RIC8B: variants seen among roughly 807,000 people sequenced by gnomAD.
RIC8B encodes RIC8 guanine nucleotide exchange factor B.
RIC8B carries 16 observed loss-of-function variants against 57.5 expected under a neutral mutation model. The observed-to-expected ratio is 0.28, with a 90% CI of 0.19 to 0.42. RIC8B has a LOEUF of 0.42. Among genes scored for constraint, RIC8B ranks in the 10% least tolerant of loss-of-function variants. The pLI, the probability that RIC8B is intolerant of heterozygous loss-of-function variation, is 1.00. For missense variants in RIC8B, 481 were observed against 677.0 expected (o/e 0.71, Z 3.21); for synonymous variants, 216 against 250.8 (o/e 0.86, Z 1.31).
chr12:106,809,228 GAA>G (rs1474887985), intron 2 of RIC8B, among the ~76,000 whole-genome samples: 1 of 152,122 alleles, frequency 6.6e-6, no homozygotes, highest in East Asian at 1.9e-4. Flanking sequence ...AACGTTTTAA[GAA>G]TTGTGTGGTG....
intron 6 of RIC8B, among the ~76,000 whole-genome samples, chr12:106,847,343 A>T (rs1949244980): frequency 6.6e-6 from 1 of 152,200 alleles, no homozygotes; most frequent in African/African-American, 2.4e-5. Flanking sequence ...AGCTAACAAA[A>T]TTTTTACATG....
intron 1 of RIC8B, among the ~76,000 whole-genome samples, chr12:106,778,323 G>A (rs1231779247): frequency 2.6e-5 from 4 of 152,132 alleles, no homozygotes; most frequent in Non-Finnish European, 5.9e-5. Context: ...TTCATTCACT[G>A]ACCTTTGTTA....
intron 4 of RIC8B, among the ~76,000 whole-genome samples, chr12:106,826,935 G>A (rs1337915661): frequency 6.6e-6 from 1 of 152,150 alleles, no homozygotes; most frequent in Admixed American, 6.5e-5. Context: ...TTAGCTGGAT[G>A]TGGTGGCGCA....
intron 2 of RIC8B, among the ~76,000 whole-genome samples, chr12:106,809,884 A>G (rs1173318018): frequency 6.6e-6 from 1 of 151,988 alleles, no homozygotes; most frequent in Non-Finnish European, 1.5e-5. Context: ...ATAATAAATT[A>G]TTGGTAACTG....
chr12:106,848,000 C>G (rs768589544), intron 6 of RIC8B, among the ~76,000 whole-genome samples: 1 of 152,096 alleles, frequency 6.6e-6, no homozygotes, highest in Admixed American at 6.5e-5. Flanking sequence ...TAATTATATA[C>G]TACGTCCGGT....
rs1273651161 is a variant in RIC8B at position 106,889,132 on chromosome 12, A to T, written c.*3117A>T. On this transcript the variant is annotated 3_prime_UTR_variant, in exon 10 of 10. Transcript: ENST00000392837. ...AAATAAAATTAATAATTTACCCCAA[A>T]TCCCACCATCCTGAGATCATCACTG... 1 of 151,878 alleles carries T rather than the reference A, an allele frequency of 6.6e-6. No individual in the cohort carries two copies. Among genetic ancestry groups the T allele is most frequent in the Non-Finnish European group, 1.5e-5 (1 of 67,914 alleles). 9.4% of individuals were successfully genotyped at this position (151,878 alleles called of 1,614,324 possible).
intron 7 of RIC8B, among the ~76,000 whole-genome samples, 175 bp from the exon 8 acceptor site, chr12:106,860,093 C>A (rs1417752259): frequency 1.3e-5 from 2 of 152,120 alleles, no homozygotes; most frequent in Non-Finnish European, 2.9e-5. Flanking sequence ...GTCCCCAGAA[C>A]CTATGGGAAA....
chr12:106,820,835 A>G (rs1416737814), intron 3 of RIC8B, among the ~76,000 whole-genome samples: 2 of 152,212 alleles, frequency 1.3e-5, no homozygotes, highest in African/African-American at 2.4e-5. Context: ...TGTGAAAGCT[A>G]TATAAAGAGA....
intron 1 of RIC8B, among the ~76,000 whole-genome samples, chr12:106,775,097 C>T (rs189670965): frequency 2.0e-5 from 3 of 152,312 alleles, no homozygotes; most frequent in Admixed American, 6.5e-5. Context: ...GCAAGTCACA[C>T]CCCCGGAATC....
At chr12:106,830,168 G>T (rs1208025740) in intron 4 of RIC8B, among the ~76,000 whole-genome samples, 1 of 152,160 alleles carries the variant, frequency 6.6e-6, no homozygotes, top group Non-Finnish European at 1.5e-5. Context: ...AGTCCCTTGA[G>T]ATTCCATATG....
Position 106,879,588 on chromosome 12 carries a change from A to C in RIC8B, c.1572-6316A>C, listed in dbSNP as rs993315676. 1 of 985,082 alleles carries C rather than the reference A, an allele frequency of 1.0e-6. No homozygotes were observed. The allele number at this position is 985,082 out of a possible 1,614,324, so 61.0% of individuals were successfully genotyped here. On this transcript the variant is annotated intron_variant, in intron 9 of 9. Transcript: ENST00000392837. This position sits in a 1 kb window ranked among gnomAD's most constrained non-coding sequence, Gnocchi z 4.9. ...ATATGGTGTAAATTCCGTATCTCCC[A>C]TCCCTAGCTCTTTAAGAAATTATTT...
Position 106,804,317 on chromosome 12 carries a change from C to T in RIC8B, c.133-10379C>T, listed in dbSNP as rs571357061. On this transcript the variant is annotated intron_variant, in intron 2 of 9. Transcript: ENST00000392837. ...GCAGTCTCCGCCTCCTGGGCCCAAG[C>T]GATTCTCCTGCCCCAGCCTCATGAG... Among the ~76,000 whole-genome samples the T allele has an allele frequency of 1.3e-4, 20 of 151,918 alleles. 1 individual carries two copies. The highest frequency in any genetic ancestry group is 1.3e-3 in the South Asian group (6 of 4,798).
chr12:106,838,650 C>CACAGGCA (rs1364274262), intron 4 of RIC8B, among the ~76,000 whole-genome samples: 2 of 151,412 alleles, frequency 1.3e-5, no homozygotes, highest in African/African-American at 2.4e-5. Flanking sequence ...ACACCAAAAG[C>CACAGGCA]ACAGGCAACA....
In RIC8B at chr12:106,776,344, G is replaced by A. The variant is rs116220980; in HGVS notation, c.84+1515G>A. Among the ~76,000 whole-genome samples the A allele has an allele frequency of 8.2e-3, 1,253 of 152,280 alleles. 24 individuals are homozygous for A. The highest frequency in any genetic ancestry group is 0.029 in the African/African-American group (1,196 of 41,558). On this transcript the variant is annotated intron_variant, in intron 1 of 9. Coordinates refer to ENST00000392837, the MANE Select transcript of RIC8B (RefSeq NM_001330145.2). ...TATTGTGGAGATTATGATTTAACCCGATTTATTACTGCTTTCCAGAAAAGA... is the reference window on the plus strand; with the variant it reads ...TATTGTGGAGATTATGATTTAACCCAATTTATTACTGCTTTCCAGAAAAGA...
At chr12:106,862,504 T>G (rs983969053) in intron 8 of RIC8B, among the ~76,000 whole-genome samples, 2 of 152,042 alleles carry the variant, frequency 1.3e-5, no homozygotes, top group African/African-American at 4.8e-5. Context: ...AAAGAACTTG[T>G]TTCCTAAAAA....
At position 106,778,252 on chromosome 12, in the gene RIC8B, G is replaced by T. The variant is rs192797340; in HGVS notation, c.84+3423G>T. 8.0e-4 allele frequency among the ~76,000 whole-genome samples: 122 copies of T among 152,240 alleles called. 1 individual carries two copies. The highest frequency in any genetic ancestry group is 1.0e-3 in the South Asian group (5 of 4,816). On this transcript the variant is annotated intron_variant, in intron 1 of 9. Coordinates refer to ENST00000392837, the MANE Select transcript of RIC8B (RefSeq NM_001330145.2). ...TACCGCTTTTAGAGATACCTGTCGG[G>T]CTCCGGGAAACATCTAATTTCTACT...
intron 4 of RIC8B, among the ~76,000 whole-genome samples, chr12:106,837,348 C>T (rs1195906809): frequency 2.0e-5 from 3 of 151,532 alleles, no homozygotes; most frequent in Non-Finnish European, 4.4e-5. Context: ...GGCGACAGAG[C>T]AAGACTGTTT....
chr12:106,884,014 GAT>G (rs1222951331), intron 9 of RIC8B, among the ~76,000 whole-genome samples: 1 of 152,102 alleles, frequency 6.6e-6, no homozygotes, highest in Non-Finnish European at 1.5e-5. Flanking sequence ...GGTTTAAAAA[GAT>G]AGAGAATCAC....
chr12:106,877,002 A>G (rs1241334643), intron 9 of RIC8B, among the ~76,000 whole-genome samples: 4 of 152,116 alleles, frequency 2.6e-5, no homozygotes, highest in Non-Finnish European at 5.9e-5. Context: ...ACTGCACTTT[A>G]TTCTTCTAGT....
Sources: gnomAD v4.1 joint callset for allele counts (sites outside exome capture counted in the v4.1 genomes callset) on GRCh38, gnomAD v4.1.1 for gene constraint, Gnocchi (gnomAD v3.1) non-coding constraint, MANE v1.5 for transcripts, NCBI Gene and HGNC (gene_info 2026-07-23, HGNC 2026-07-21) for gene names.